STARD13: variants seen among roughly 807,000 people sequenced by gnomAD.
STARD13 encodes stAR-related lipid transfer protein 13.
A neutral mutation model predicts 106.4 loss-of-function variants in STARD13; 62 were observed. The ratio of observed to expected loss-of-function variants is 0.58; its 90% CI spans 0.48 to 0.72. The LOEUF (loss-of-function observed/expected upper bound fraction) is 0.72, where lower values mean the gene tolerates loss of function less well. Ranked by LOEUF, STARD13 falls within the 30% of genes least tolerant of loss-of-function variation. The probability of loss-of-function intolerance (pLI) is 0.00; values close to 1 mark genes in which losing one functional copy is unlikely to be tolerated. For synonymous variants in STARD13, 565 were observed against 553.0 expected, an observed-to-expected ratio of 1.02 and a Z score of -0.31; for missense variants, 1,387 against 1,424.0, an observed-to-expected ratio of 0.97 and a Z score of 0.42.
chr13:33,292,797 C>G (rs562193992), intron 1 of STARD13, among the ~76,000 whole-genome samples: 8 of 152,226 alleles, frequency 5.3e-5, no homozygotes, highest in Non-Finnish European at 7.4e-5. Context: ...GGTTCAAGTA[C>G]ACTATTGTCT....
chr13:33,113,675 C>T, intron 8 of STARD13: 1 of 453,430 alleles, frequency 2.2e-6, no homozygotes, highest in South Asian at 1.6e-5. Context: ...GAAGAAGAAC[C>T]AGGCAGCCTA....
chr13:33,341,695 C>CT (rs1011183677), intron 1 of STARD13, among the ~76,000 whole-genome samples: 2 of 152,106 alleles, frequency 1.3e-5, no homozygotes, highest in Non-Finnish European at 2.9e-5. Context: ...TATGGTCTTT[C>CT]TTTTTTCCAA....
the STARD13 span, among the ~76,000 whole-genome samples, chr13:33,509,586 G>A: frequency 2.6e-5 from 4 of 152,158 alleles, no homozygotes; most frequent in African/African-American, 4.8e-5. Context: ...CTAGGGAGAG[G>A]GGTAGAGCAT....
chr13:33,306,058 G>C (rs1451829474), intron 1 of STARD13, among the ~76,000 whole-genome samples: 2 of 152,174 alleles, frequency 1.3e-5, no homozygotes, highest in African/African-American at 2.4e-5. Context: ...GAGACAGCAA[G>C]CTACCTGACT....
chr13:33,442,734 A>C, the STARD13 span, among the ~76,000 whole-genome samples: 4 of 152,210 alleles, frequency 2.6e-5, no homozygotes, highest in Admixed American at 2.6e-4. Context: ...CCATTTTAGT[A>C]GTACATGAAA....
intron 3 of STARD13, 119 bp from the exon 4 acceptor site, chr13:33,142,492 A>T (rs775044136): frequency 2.4e-6 from 2 of 848,228 alleles, no homozygotes; most frequent in Non-Finnish European, 1.9e-6. Context: ...ATTATGTCCC[A>T]AGACAGTACT....
chr13:33,470,627 G>A, the STARD13 span, among the ~76,000 whole-genome samples: 2 of 152,230 alleles, frequency 1.3e-5, no homozygotes, highest in East Asian at 3.8e-4. Context: ...TAACTGGCAT[G>A]AGTTGCTATC....
chr13:33,634,866 C>A, the STARD13 span, among the ~76,000 whole-genome samples: 1 of 152,146 alleles, frequency 6.6e-6, no homozygotes, highest in Non-Finnish European at 1.5e-5. Context: ...AACCAGAAGA[C>A]ATGCTCTGTG....
At chr13:33,266,566 C>G (rs2036529706) in intron 1 of STARD13, among the ~76,000 whole-genome samples, 1 of 152,170 alleles carries the variant, frequency 6.6e-6, no homozygotes, top group African/African-American at 2.4e-5. Flanking sequence ...GGACTACATT[C>G]TAAATTGCTC....
At chr13:33,442,166 A>G in the STARD13 span, among the ~76,000 whole-genome samples, 1 of 152,230 alleles carries the variant, frequency 6.6e-6, no homozygotes, top group Non-Finnish European at 1.5e-5. Flanking sequence ...TCTGACAATC[A>G]TGTAAATTAG....
intron 1 of STARD13, among the ~76,000 whole-genome samples, chr13:33,227,632 C>T (rs1196034079): frequency 6.6e-6 from 1 of 152,066 alleles, no homozygotes; most frequent in African/African-American, 2.4e-5. Flanking sequence ...TCCAAATACC[C>T]TGAAAAAGGT....
chr13:33,582,201 A>AT, the STARD13 span, among the ~76,000 whole-genome samples: 1 of 151,542 alleles, frequency 6.6e-6, no homozygotes, highest in Non-Finnish European at 1.5e-5. Flanking sequence ...CAGCCTGGGC[A>AT]ACAGAGTGAG....
At chr13:33,371,512 T>C in the STARD13 span, among the ~76,000 whole-genome samples, 1 of 152,354 alleles carries the variant, frequency 6.6e-6, no homozygotes, top group African/African-American at 2.4e-5. Context: ...GTTTCTCTAA[T>C]TAAAAAGGCA....
chr13:33,190,589 T>C (rs1886180428), intron 1 of STARD13, among the ~76,000 whole-genome samples: 1 of 66,360 alleles, frequency 1.5e-5, no homozygotes, highest in Admixed American at 1.6e-4. Context: ...TTTTCTTTTC[T>C]TTTTTTTTTT....
At chr13:33,446,199 C>T in the STARD13 span, among the ~76,000 whole-genome samples, 4 of 151,942 alleles carry the variant, frequency 2.6e-5, no homozygotes, top group Non-Finnish European at 5.9e-5. Context: ...CTCACTATTC[C>T]CTTTAAATTT....
At chr13:33,429,519 G>A in the STARD13 span, among the ~76,000 whole-genome samples, 15 of 146,916 alleles carry the variant, frequency 1.0e-4, no homozygotes, top group East Asian at 9.9e-4. Context: ...GCGAGACTCC[G>A]TCTCAAAAAA....
chr13:33,306,780 T>C (rs1253543604), intron 1 of STARD13, among the ~76,000 whole-genome samples: 1 of 152,110 alleles, frequency 6.6e-6, no homozygotes, highest in African/African-American at 2.4e-5. Flanking sequence ...TGAAACTCTG[T>C]CTCTACTAAA....
In STARD13 at chr13:33,221,942, A is replaced by G. The variant is rs1158109016; in HGVS notation, c.170-54320T>C. On this transcript the variant is annotated intron_variant, in intron 1 of 13. Transcript: ENST00000336934. ...AAGGCAGACAGATCACAAGGTCAAG[A>G]GATCGAGACCATCCTGGCCAACATG... Among the ~76,000 whole-genome samples the G allele has an allele frequency of 2.0e-5, 3 of 152,306 alleles. No homozygotes were observed. The East Asian group carries it at 5.8e-4, about 29-fold the overall frequency.
intron 1 of STARD13, among the ~76,000 whole-genome samples, chr13:33,312,209 AT>A (rs1297718238): frequency 6.6e-6 from 1 of 152,222 alleles, no homozygotes; most frequent in African/African-American, 2.4e-5. Flanking sequence ...AAGGTTCCAT[AT>A]TTAAACCCAT....
Sources: gnomAD v4.1 joint callset for allele counts (sites outside exome capture counted in the v4.1 genomes callset) on GRCh38, gnomAD v4.1.1 for gene constraint, MANE v1.5 for transcripts, NCBI Gene and HGNC (gene_info 2026-07-23, HGNC 2026-07-21) for gene names.